PLD2: variants seen among roughly 807,000 people sequenced by gnomAD.
PLD2 encodes the protein phospholipase D2, also known as choline phosphatase 2.
PLD2 carries 101 observed loss-of-function variants against 119.8 expected under a neutral mutation model. That is an observed-to-expected ratio of 0.84 (90% CI 0.72 to 0.99). The LOEUF (loss-of-function observed/expected upper bound fraction) is 0.99, where lower values mean the gene tolerates loss of function less well. PLD2 is among the 50% of genes least tolerant of loss of function. The pLI is 0.00. For missense variants in PLD2, 1,164 were observed against 1,226.8 expected, an observed-to-expected ratio of 0.95 and a Z score of 0.76; for synonymous variants, 494 against 482.8, an observed-to-expected ratio of 1.02 and a Z score of -0.30.
rs549315932 is a variant in PLD2 at position 4,807,921 on chromosome 17, G to T, written c.109+40G>T. The stretch of plus-strand genomic sequence containing the variant: ...TGGATGGCCCTCAGGGAGGAGAGGC[G>T]TTCGGGAGCCAGGGGGCTGGGGCCT... On this transcript the variant is annotated intron_variant, in intron 2 of 24. Coordinates refer to ENST00000263088, the MANE Select transcript of PLD2 (RefSeq NM_002663.5). The surrounding 1 kb of genome is among the most constrained non-coding windows in gnomAD (Gnocchi z 5.4). 1.6e-5 allele frequency: 26 copies of T among 1,607,410 alleles called. 2 individuals carry two copies. The South Asian group carries it at 2.8e-4, about 17-fold the overall frequency.
Position 4,809,215 on chromosome 17 carries a change from G to T in PLD2, c.489+10G>T. 6.2e-7 allele frequency: 1 copy of T among 1,613,758 alleles called. No homozygotes were observed. The highest frequency in any genetic ancestry group is 8.5e-7 in the Non-Finnish European group (1 of 1,179,610). On this transcript the variant is annotated intron_variant, in intron 5 of 24. Coordinates refer to ENST00000263088, the MANE Select transcript of PLD2 (RefSeq NM_002663.5). Reference sequence around the variant, plus strand: ...TGCAGCCAGCAAACAGGTGGGACCAGATGCCAGGTCCTCCGGGAAGGCATT... The same window carrying T: ...TGCAGCCAGCAAACAGGTGGGACCATATGCCAGGTCCTCCGGGAAGGCATT...
intron 10 of PLD2, 67 bp from the exon 11 acceptor site, chr17:4,814,351 G>T: frequency 6.4e-7 from 1 of 1,552,044 alleles, no homozygotes; most frequent in South Asian, 1.2e-5. Context: ...ACTGTCCTCC[G>T]GTCTTCACTC....
Position 4,809,877 on chromosome 17 carries a change from G to A in PLD2, c.708G>A (p.Arg236=). ...AACACACGGAGCCCTTCTGCTCTAG[G>A]TGGCTGGTGGTGAAGGACTCCTTCC... ...RDQVCYRWSK[R]WLVVKDSFLL... Residue 236 remains arginine (R), a splice_region_variant and synonymous_variant, in exon 9 of 25, where the codon AGG becomes AGA. Coordinates refer to ENST00000263088, the MANE Select transcript of PLD2 (RefSeq NM_002663.5). 1 of 1,614,220 alleles carries A rather than the reference G, an allele frequency of 6.2e-7. No homozygotes were observed.
Position 4,807,673 on chromosome 17 carries a change from AGAG to A in PLD2, c.-1-93_-1-91del, listed in dbSNP as rs2150666285. The A allele has an allele frequency of 1.4e-6, 1 of 695,680 alleles. No homozygotes were observed. The highest frequency in any genetic ancestry group is 1.8e-5 in the African/African-American group (1 of 56,582). The allele number at this position is 695,680 out of a possible 1,614,324, so 43.1% of individuals were successfully genotyped here. On this transcript the variant is annotated intron_variant, in intron 1 of 24. Transcript: ENST00000263088. The surrounding 1 kb of genome is among the most constrained non-coding windows in gnomAD (Gnocchi z 5.4). ...CGGGCGGTCAGGAGGCCGTGGGGGA[AGAG>A]GAGGATCTGGAAGAGATGGAGGACC...
Position 4,808,357 on chromosome 17 carries a change from G to A in PLD2, c.324G>A (p.Gln108=), listed in dbSNP as rs1008954278. ...WTTKKKYRHF[Q]ELHRDLLRHK... is the part of the protein sequence containing the mutation. The stretch of plus-strand genomic sequence containing the variant: ...CCAAGAAGAAATACCGTCATTTTCA[G>A]GAGCTGCATCGGGACCTCCTGAGAC... The change falls in exon 4 of 25, where the codon CAG becomes CAA. Residue 108 remains glutamine (Q), a synonymous_variant. Transcript: ENST00000263088. The surrounding 1 kb of genome is among the most constrained non-coding windows in gnomAD (Gnocchi z 4.1). 16 of 1,614,006 alleles carry A rather than the reference G, an allele frequency of 9.9e-6. No homozygotes were observed. Among genetic ancestry groups the A allele is most frequent in the Admixed American group, 1.7e-5 (1 of 60,004 alleles).
rs2045591747 is a variant in PLD2, at chr17:4,822,994, T to C, written c.*130T>C. On this transcript the variant is annotated 3_prime_UTR_variant, in exon 25 of 25. Coordinates refer to ENST00000263088, the MANE Select transcript of PLD2 (RefSeq NM_002663.5). ...GGAGGCAGGCATTCCTGAAGGGAAC[T>C]AGAGGTGTTACAGAGGACCCTTACG... The C allele has an allele frequency of 1.6e-6, 1 of 614,414 alleles. No homozygotes were observed. The highest frequency in any genetic ancestry group is 1.8e-5 in the African/African-American group (1 of 54,270). 38.1% of individuals were successfully genotyped at this position (614,414 alleles called of 1,614,324 possible). A position where few individuals can be genotyped will look rare whatever the true frequency, so the allele number is the denominator to read the frequency against.
intron 24 of PLD2, among the ~76,000 whole-genome samples, chr17:4,822,200 C>G (rs573353609): frequency 6.6e-6 from 1 of 152,106 alleles, no homozygotes; most frequent in South Asian, 2.1e-4. Flanking sequence ...AAAAAATTAG[C>G]TAGGTGTGGC....
chr17:4,812,874 T>G (rs1372844525), intron 10 of PLD2, among the ~76,000 whole-genome samples: 1 of 152,282 alleles, frequency 6.6e-6, no homozygotes, highest in Admixed American at 6.5e-5. Context: ...CATATTGTTG[T>G]TACTGAGTGA....
chr17:4,814,558 C>T (rs1393068066), intron 11 of PLD2, 57 bp downstream of exon 11: 6 of 1,612,610 alleles, frequency 3.7e-6, no homozygotes, highest in Non-Finnish European at 5.1e-6. Context: ...GGCAGATCAG[C>T]ATTAGGAGGA....
intron 23 of PLD2, among the ~76,000 whole-genome samples, chr17:4,820,499 C>G (rs1907546910): frequency 6.7e-6 from 1 of 150,134 alleles, no homozygotes; most frequent in Admixed American, 6.7e-5. Flanking sequence ...AACTCCTGAC[C>G]TCAGGCTTCG....
chr17:4,817,066 C>A lies in PLD2; in HGVS notation c.1701+11C>A. 1 of 1,611,758 alleles carries A rather than the reference C, an allele frequency of 6.2e-7. No homozygotes were observed. Among genetic ancestry groups the A allele is most frequent in the Non-Finnish European group, 8.5e-7 (1 of 1,177,906 alleles). On this transcript the variant is annotated intron_variant, in intron 16 of 24. Transcript: ENST00000263088. Reference sequence around the variant, plus strand: ...TGGAACTTCACCAAGGTGTTCATTCCCTCCGATAGGGGCTGGAGGTAGGGA... The same window carrying A: ...TGGAACTTCACCAAGGTGTTCATTCACTCCGATAGGGGCTGGAGGTAGGGA...
chr17:4,815,346 A>G, intron 12 of PLD2, 130 bp from the exon 13 acceptor site: 1 of 697,336 alleles, frequency 1.4e-6, no homozygotes, highest in South Asian at 1.6e-5. Context: ...GCAGCAAAGC[A>G]GGGCATATGT....
chr17:4,809,021 G>A, intron 4 of PLD2, 79 bp from the exon 5 acceptor site: 1 of 1,120,488 alleles, frequency 8.9e-7, no homozygotes. Context: ...TTTCCTCCGA[G>A]CCCCATCTCC....
intron 10 of PLD2, among the ~76,000 whole-genome samples, chr17:4,812,349 C>T (rs1906563752): frequency 7.0e-6 from 1 of 143,074 alleles, no homozygotes; most frequent in Admixed American, 7.3e-5. Flanking sequence ...GGCTGGAGTG[C>T]AGTGGCAGGA....
chr17:4,809,076 G>T, intron 4 of PLD2, 24 bp from the exon 5 acceptor site: 2 of 1,579,760 alleles, frequency 1.3e-6, no homozygotes, highest in South Asian at 2.2e-5. Flanking sequence ...GCTCTTACCT[G>T]ACCTTCATCC....
chr17:4,816,580 A>C, intron 14 of PLD2, 40 bp from the exon 15 acceptor site: 5 of 1,609,590 alleles, frequency 3.1e-6, no homozygotes, highest in Non-Finnish European at 4.3e-6. Context: ...CAGCCCCATG[A>C]CTTCCCCTTG....
chr17:4,815,559 G>A lies in PLD2; in HGVS notation c.1257G>A (p.Ala419=), dbSNP rs773228195. 69 of 1,612,882 alleles carry A rather than the reference G, an allele frequency of 4.3e-5. No homozygotes were observed. Among genetic ancestry groups the A allele is most frequent in the African/African-American group, 2.4e-4 (18 of 74,804 alleles). Residue 419 remains alanine (A), a synonymous_variant, in exon 13 of 25, where the codon GCG becomes GCA. Transcript: ENST00000263088. ...LGINSGYSKR[A]LMLLHPNIKV... is the part of the protein sequence containing the mutation. ...TCAACAGTGGCTATAGCAAGAGGGC[G>A]CTGATGCTGCTGCACCCCAACATAA...
chr17:4,820,556 CAAA>C (rs1162927219), intron 23 of PLD2, among the ~76,000 whole-genome samples: 2 of 73,582 alleles, frequency 2.7e-5, no homozygotes, highest in African/African-American at 5.1e-5. Context: ...CGCCCCTGGC[CAAA>C]AAAAAAAAAA....
rs943488424 is a variant in PLD2, at chr17:4,813,852, C to A, written c.1011-566C>A. 2.0e-5 allele frequency among the ~76,000 whole-genome samples: 3 copies of A among 152,118 alleles called. No individual in the cohort carries two copies. In the South Asian group the frequency reaches 6.2e-4, roughly 31 times the overall value. ...CCAGCCTGGGTGACAGAGCGGGACACCATCTCCAAAAAGCTATATATATAT... is the reference window on the plus strand; with the variant it reads ...CCAGCCTGGGTGACAGAGCGGGACAACATCTCCAAAAAGCTATATATATAT... On this transcript the variant is annotated intron_variant, in intron 10 of 24. Coordinates refer to ENST00000263088, the MANE Select transcript of PLD2 (RefSeq NM_002663.5).
Sources: allele counts gnomAD v4.1 joint callset (sites outside exome capture counted in the v4.1 genomes callset), GRCh38; gene constraint gnomAD v4.1.1; non-coding constraint Gnocchi (gnomAD v3.1); transcripts MANE v1.5; gene names NCBI Gene and HGNC (gene_info 2026-07-23, HGNC 2026-07-21).